The following RSAD1 variants were observed in gnomAD, a reference collection of about 807,000 sequenced individuals.
RSAD1 encodes radical S-adenosyl methionine domain containing 1.
A neutral mutation model predicts 46.2 loss-of-function variants in RSAD1; 34 were observed. The observed-to-expected ratio is 0.74, with a 90% confidence interval of 0.56 to 0.98. The LOEUF is 0.98. Ranked by LOEUF, RSAD1 falls within the 50% of genes least tolerant of loss-of-function variation. The pLI is 0.00. For missense variants in RSAD1, 635 were observed against 592.3 expected, an observed-to-expected ratio of 1.07 and a Z score of -0.75; for synonymous variants, 260 against 253.5, an observed-to-expected ratio of 1.03 and a Z score of -0.24.
rs776804558 is a variant in RSAD1, at chr17:50,483,761, G to A, written c.1107+1G>A. On this transcript the variant is annotated splice_donor_variant, in intron 7 of 8. Coordinates refer to ENST00000258955, the MANE Select transcript of RSAD1 (RefSeq NM_018346.3). LOFTEE classifies it high-confidence loss of function. ...CACCGATGTGGGGATCACTCACCAG[G>A]TAAGGAGTTAGGATTCTTGCACACC... The A allele has an allele frequency of 1.2e-6, 2 of 1,606,434 alleles. No homozygotes were observed. The highest frequency in any genetic ancestry group is 1.1e-5 in the South Asian group (1 of 89,882).
chr17:50,485,760 G>T lies in RSAD1; in HGVS notation c.*899G>T, dbSNP rs950771806. 2 of 152,272 alleles carry T rather than the reference G, an allele frequency of 1.3e-5. No homozygotes were observed. Among genetic ancestry groups the T allele is most frequent in the African/African-American group, 4.8e-5 (2 of 41,438 alleles). The allele number at this position is 152,272 out of a possible 1,614,324, so 9.4% of individuals were successfully genotyped here. A position where few individuals can be genotyped will look rare whatever the true frequency, so the allele number is the denominator to read the frequency against. The stretch of plus-strand genomic sequence containing the variant: ...CTTCGGGAAACCAGAATATGTTTGG[G>T]GTGGTAGGAGCCACACAGACTCTTC... On this transcript the variant is annotated 3_prime_UTR_variant, in exon 9 of 9. Coordinates refer to ENST00000258955, the MANE Select transcript of RSAD1 (RefSeq NM_018346.3).
chr17:50,483,741 ATGTG>A lies in RSAD1; in HGVS notation c.1089_1092del (p.Asp363GlufsTer15). The A allele has an allele frequency of 1.2e-6, 2 of 1,611,480 alleles. No individual in the cohort carries two copies. Among genetic ancestry groups the A allele is most frequent in the Non-Finnish European group, 1.7e-6 (2 of 1,179,270 alleles). Reference sequence around the variant, plus strand: ...GTTTTGGCCCTGGGGCTACGCACCGATGTGGGGATCACTCACCAGGTAAGGAGTT... The same window carrying A: ...GTTTTGGCCCTGGGGCTACGCACCGAGGGATCACTCACCAGGTAAGGAGTT... On this transcript the variant is annotated frameshift_variant, in exon 7 of 9. Transcript: ENST00000258955. LOFTEE classifies it high-confidence loss of function.
intron 5 of RSAD1, 73 bp from the exon 6 acceptor site, chr17:50,483,267 C>G (rs1239320782): frequency 6.8e-7 from 1 of 1,476,808 alleles, no homozygotes; most frequent in Admixed American, 2.2e-5. Flanking sequence ...GCTCCAGGGA[C>G]CACATGATTT....
In RSAD1 at chr17:50,485,078, C is replaced by T. The variant is rs2033436989; in HGVS notation, c.*217C>T. The T allele has an allele frequency of 1.8e-6, 1 of 551,956 alleles. No individual in the cohort carries two copies. Among genetic ancestry groups the T allele is most frequent in the Non-Finnish European group, 3.2e-6 (1 of 308,426 alleles). The allele number at this position is 551,956 out of a possible 1,614,324, so 34.2% of individuals were successfully genotyped here. A position where few individuals can be genotyped will look rare whatever the true frequency, so the allele number is the denominator to read the frequency against. ...ATTCAGCATCTCAGGACTCACAGGCCAACATGTGTTCCATGGCTGGGAATT... is the reference window on the plus strand; with the variant it reads ...ATTCAGCATCTCAGGACTCACAGGCTAACATGTGTTCCATGGCTGGGAATT... On this transcript the variant is annotated 3_prime_UTR_variant, in exon 9 of 9. Coordinates refer to ENST00000258955, the MANE Select transcript of RSAD1 (RefSeq NM_018346.3).
chr17:50,484,154 A>G (rs945630416), intron 7 of RSAD1: 3 of 486,266 alleles, frequency 6.2e-6, no homozygotes, highest in Non-Finnish European at 1.1e-5. Flanking sequence ...GCTGCTCTGG[A>G]TAAAGCAGAG....
At chr17:50,483,675 C>T (rs988707717) in intron 6 of RSAD1, 31 bp from the exon 7 acceptor site, 2 of 1,613,242 alleles carry the variant, frequency 1.2e-6, no homozygotes, top group Non-Finnish European at 1.7e-6. Context: ...CAGGCCTCCT[C>T]TCTAAGACTC....
In RSAD1 at chr17:50,479,735, C is replaced by CGCT. The variant is rs748972064; in HGVS notation, c.248_250dup (p.Leu83dup). On this transcript the variant is annotated inframe_insertion, in exon 2 of 9. Coordinates refer to ENST00000258955, the MANE Select transcript of RSAD1 (RefSeq NM_018346.3). Reference sequence around the variant, plus strand: ...AAGTGTCTGGTGACCGAAGCTCAGACGCTGCTGCGGCTCAGCGGGGTGCAA... The same window carrying CGCT: ...AAGTGTCTGGTGACCGAAGCTCAGACGCTGCTGCTGCGGCTCAGCGGGGTGCAA... 4.8e-5 allele frequency: 78 copies of CGCT among 1,611,878 alleles called. No individual in the cohort carries two copies. Among genetic ancestry groups the CGCT allele is most frequent in the Non-Finnish European group, 4.9e-5 (58 of 1,178,958 alleles).
Position 50,483,463 on chromosome 17 carries a change from G to C in RSAD1, c.1028G>C (p.Arg343Pro), listed in dbSNP as rs375119650. ...CTGTTTGGCCATGGCACCCGGAAGC[G>C]TGTCCCCCTGGGCAGGCTGGAGCTG... Reference protein sequence around the residue: ...VMLFGHGTRKRVPLGRLELLE... With the variant: ...VMLFGHGTRKPVPLGRLELLE... The change falls in exon 6 of 9, where the codon CGT (arginine) becomes CCT (proline). Residue 343 changes from arginine (R) to proline (P), a missense_variant. Transcript: ENST00000258955. 3 of 1,612,978 alleles carry C rather than the reference G, an allele frequency of 1.9e-6. No homozygotes were observed. In the African/African-American group the frequency reaches 4.0e-5, roughly 22 times the overall value.
intron 3 of RSAD1, among the ~76,000 whole-genome samples, chr17:50,481,367 T>C (rs2033378386): frequency 6.6e-6 from 1 of 152,244 alleles, no homozygotes; most frequent in Non-Finnish European, 1.5e-5. Flanking sequence ...CTTTAGGAAA[T>C]ACACACCTAA....
intron 1 of RSAD1, 37 bp downstream of exon 1, chr17:50,479,056 C>T: frequency 7.6e-7 from 1 of 1,307,684 alleles, no homozygotes; most frequent in Non-Finnish European, 9.7e-7. Flanking sequence ...CGGTGTGTGG[C>T]CGCAGCCCTG....
rs1220695777 is a variant in RSAD1 at position 50,484,553 on chromosome 17, G to C, written c.1211+8G>C. 1.9e-6 allele frequency: 3 copies of C among 1,610,818 alleles called. No individual in the cohort carries two copies. In the South Asian group the frequency reaches 3.3e-5, roughly 18 times the overall value. On this transcript the variant is annotated splice_region_variant and intron_variant, in intron 8 of 8. Coordinates refer to ENST00000258955, the MANE Select transcript of RSAD1 (RefSeq NM_018346.3). ...ACTGCAGCTGGATCACAGGTGTGTT[G>C]GGGGGTGCCGGGCAGAGGGGGCTGA...
At chr17:50,482,937 A>G (rs1228918915) in intron 5 of RSAD1, among the ~76,000 whole-genome samples, 2 of 152,086 alleles carry the variant, frequency 1.3e-5, no homozygotes, top group East Asian at 3.8e-4. Flanking sequence ...AGGGCTTGTT[A>G]AAACCCAAGC....
chr17:50,482,583 CCTGAGT>C, intron 4 of RSAD1, 54 bp from the exon 5 acceptor site: 1 of 1,613,296 alleles, frequency 6.2e-7, no homozygotes, highest in Non-Finnish European at 8.5e-7. Context: ...GGGCCCCTTA[CCTGAGT>C]CTAAAAATGA....
rs1021184548 is a variant in RSAD1, at chr17:50,485,278, A to G, written c.*417A>G. On this transcript the variant is annotated 3_prime_UTR_variant, in exon 9 of 9. Coordinates refer to ENST00000258955, the MANE Select transcript of RSAD1 (RefSeq NM_018346.3). ...CATGTCCCCTCTAGGTATTATTAAT[A>G]TAAGCAGGAAGGGATCTACTATAGG... The G allele has an allele frequency of 4.5e-5, 8 of 176,028 alleles. No homozygotes were observed. The highest frequency in any genetic ancestry group is 9.7e-5 in the Non-Finnish European group (8 of 82,208). The allele number at this position is 176,028 out of a possible 1,614,324, so 10.9% of individuals were successfully genotyped here.
At chr17:50,484,175 C>T in intron 7 of RSAD1, 1 of 505,446 alleles carries the variant, frequency 2.0e-6, no homozygotes, top group South Asian at 2.6e-5. Flanking sequence ...CCATAAAGCC[C>T]TGGCTAGAGC....
Position 50,482,308 on chromosome 17 carries a change from A to G in RSAD1, c.692A>G (p.Glu231Gly). The G allele has an allele frequency of 6.2e-7, 1 of 1,609,658 alleles. No individual in the cohort carries two copies. Among genetic ancestry groups the G allele is most frequent in the Non-Finnish European group, 8.5e-7 (1 of 1,177,380 alleles). The change falls in exon 4 of 9, where the codon GAG becomes GGG. Residue 231 changes from glutamate (E) to glycine (G), a missense_variant. Physicochemically the swap from Glu to Gly is moderately conservative, Grantham distance 98. Coordinates refer to ENST00000258955, the MANE Select transcript of RSAD1 (RefSeq NM_018346.3). ...CTCTCCCTCTACCAGCTGTCCCTGG[A>G]GCGGGGCACCGCACTCTTCGCCCAG... ...DHLSLYQLSLERGTALFAQVQ... is the reference protein window; with the variant it reads ...DHLSLYQLSLGRGTALFAQVQ...
chr17:50,481,940 C>T, intron 3 of RSAD1, 151 bp from the exon 4 acceptor site: 1 of 861,714 alleles, frequency 1.2e-6, no homozygotes, highest in Non-Finnish European at 1.7e-6. Context: ...CTGTGAATGG[C>T]AGCTCTTGGT....
intron 7 of RSAD1, 173 bp downstream of exon 7, chr17:50,483,933 G>A (rs1808034911): frequency 1.6e-6 from 1 of 630,846 alleles, no homozygotes; most frequent in South Asian, 2.1e-5. Context: ...GAGCAGTGGT[G>A]CATAGCTAAG....
Position 50,484,209 on chromosome 17 carries a change from G to A in RSAD1, c.1108-233G>A, listed in dbSNP as rs528633231. 28 of 537,914 alleles carry A rather than the reference G, an allele frequency of 5.2e-5. 1 individual carries two copies. The highest frequency in any genetic ancestry group is 5.0e-4 in the African/African-American group (26 of 52,500). The allele number at this position is 537,914 out of a possible 1,614,324, so 33.3% of individuals were successfully genotyped here. A position where few individuals can be genotyped will look rare whatever the true frequency, so the allele number is the denominator to read the frequency against. On this transcript the variant is annotated intron_variant, in intron 7 of 8. Transcript: ENST00000258955. Reference sequence around the variant, plus strand: ...GCTGGCTGAGAGGGGAGGGAAGAGAGGAGGCATAGAGGAAGGCCTGGCTTG... The same window carrying A: ...GCTGGCTGAGAGGGGAGGGAAGAGAAGAGGCATAGAGGAAGGCCTGGCTTG...
Sources: gnomAD v4.1 joint callset for allele counts (sites outside exome capture counted in the v4.1 genomes callset) on GRCh38, gnomAD v4.1.1 for gene constraint, MANE v1.5 for transcripts, NCBI Gene and HGNC (gene_info 2026-07-23, HGNC 2026-07-21) for gene names.